The following DCC variants were observed in gnomAD, a reference collection of about 807,000 sequenced individuals.
The protein encoded by DCC is DCC netrin 1 receptor, also known as netrin receptor DCC.
DCC carries 58 observed loss-of-function variants against 172.5 expected under a neutral mutation model. The observed-to-expected ratio is 0.34, with a 90% CI of 0.27 to 0.42. The LOEUF is 0.42. Ranked by LOEUF, DCC falls within the 10% of genes least tolerant of loss-of-function variation. The pLI, the probability that DCC is intolerant of heterozygous loss-of-function variation, is 1.00. For synonymous variants in DCC, 709 were observed against 644.5 expected (o/e 1.10, Z -1.52); for missense variants, 1,740 against 1,791.0 (o/e 0.97, Z 0.51).
At chr18:52,655,803 C>T (rs902428219) in intron 1 of DCC, among the ~76,000 whole-genome samples, 2 of 151,644 alleles carry the variant, frequency 1.3e-5, no homozygotes, top group Admixed American at 1.3e-4. Context: ...ACAAACAAGA[C>T]ACAAATTTCT....
Position 52,946,923 on chromosome 18 carries a change from C to T in DCC, c.985+21553C>T, listed in dbSNP as rs146923509. Among the ~76,000 whole-genome samples, 63 of 152,202 alleles carry T rather than the reference C, an allele frequency of 4.1e-4. No individual in the cohort carries two copies. In the East Asian group the frequency reaches 7.1e-3, roughly 17 times the overall value. Reference sequence around the variant, plus strand: ...CTTAATTTTTGAAAAGCAAAATCAACGCAAACATCCATAATAAACAAAATA... The same window carrying T: ...CTTAATTTTTGAAAAGCAAAATCAATGCAAACATCCATAATAAACAAAATA... On this transcript the variant is annotated intron_variant, in intron 5 of 28. Coordinates refer to ENST00000442544, the MANE Select transcript of DCC (RefSeq NM_005215.4).
At chr18:52,752,492 T>G in intron 2 of DCC, 118 bp downstream of exon 2, 1 of 800,018 alleles carries the variant, frequency 1.2e-6, no homozygotes, top group Non-Finnish European at 2.1e-6. Context: ...CTTTTAAATT[T>G]TAAGTTGACA....
chr18:52,718,114 C>T (rs781578980), intron 1 of DCC, among the ~76,000 whole-genome samples: 4 of 152,106 alleles, frequency 2.6e-5, no homozygotes, highest in Admixed American at 6.6e-5. Flanking sequence ...GAATGTTGGC[C>T]GTACAGCTGG....
intron 15 of DCC, among the ~76,000 whole-genome samples, chr18:53,342,164 C>A (rs1187435264): frequency 6.6e-6 from 1 of 152,012 alleles, no homozygotes; most frequent in Non-Finnish European, 1.5e-5. Context: ...GACTTCTAAA[C>A]AGCATTTTAT....
intron 1 of DCC, among the ~76,000 whole-genome samples, chr18:52,426,225 C>T (rs1467209009): frequency 9.2e-5 from 14 of 151,768 alleles, no homozygotes; most frequent in Admixed American, 9.2e-4. Context: ...ATCTCCACGG[C>T]AATGAGAACA....
chr18:52,927,400 A>G (rs1209399211), intron 5 of DCC, among the ~76,000 whole-genome samples: 1 of 151,740 alleles, frequency 6.6e-6, no homozygotes, highest in Non-Finnish European at 1.5e-5. Context: ...AAAATATTTA[A>G]TAATTATTTC....
At chr18:52,627,030 A>G (rs1294699082) in intron 1 of DCC, among the ~76,000 whole-genome samples, 1 of 152,126 alleles carries the variant, frequency 6.6e-6, no homozygotes, top group Non-Finnish European at 1.5e-5. Context: ...TTCCTCTGAC[A>G]TATCAGGCTG....
chr18:53,425,918 T>C (rs1277766729), intron 21 of DCC, among the ~76,000 whole-genome samples: 2 of 152,248 alleles, frequency 1.3e-5, no homozygotes, highest in African/African-American at 4.8e-5. Flanking sequence ...AATATATGTG[T>C]AATTAGTCAG....
intron 1 of DCC, among the ~76,000 whole-genome samples, chr18:52,547,870 A>G (rs2032660629): frequency 6.6e-6 from 1 of 152,142 alleles, no homozygotes; most frequent in Admixed American, 6.6e-5. Flanking sequence ...CCATCTCTGG[A>G]GTAACTACTC....
At chr18:52,381,073 A>T (rs1376594577) in intron 1 of DCC, among the ~76,000 whole-genome samples, 1 of 152,156 alleles carries the variant, frequency 6.6e-6, no homozygotes, top group East Asian at 1.9e-4. Context: ...TAATTAGACA[A>T]GGAAAAAGGG....
chr18:52,454,119 A>G (rs1988388372), intron 1 of DCC, among the ~76,000 whole-genome samples: 1 of 152,022 alleles, frequency 6.6e-6, no homozygotes, highest in African/African-American at 2.4e-5. Flanking sequence ...AATTCTTAGA[A>G]TATCAATTTT....
chr18:52,547,944 A>G (rs1041093600), intron 1 of DCC, among the ~76,000 whole-genome samples: 3 of 152,142 alleles, frequency 2.0e-5, no homozygotes, highest in African/African-American at 7.2e-5. Flanking sequence ...ATTCATGGCT[A>G]TGTTCCAATA....
At chr18:52,897,436 G>T (rs949328834) in intron 2 of DCC, among the ~76,000 whole-genome samples, 1 of 152,130 alleles carries the variant, frequency 6.6e-6, no homozygotes, top group East Asian at 1.9e-4. Context: ...TTGGATGTCT[G>T]CAATACTCTA....
At chr18:52,675,058 TTGTC>T (rs536892897) in intron 1 of DCC, among the ~76,000 whole-genome samples, 142 of 152,284 alleles carry the variant, frequency 9.3e-4, no homozygotes, top group African/African-American at 3.2e-3. Context: ...CTTTGTTTGT[TTGTC>T]TGTCTGTTTG....
chr18:53,332,051 A>G (rs549157274), intron 14 of DCC, among the ~76,000 whole-genome samples: 2 of 152,264 alleles, frequency 1.3e-5, no homozygotes, highest in South Asian at 4.1e-4. Context: ...AAGCGTGTTG[A>G]TATTGGGAAT....
At chr18:52,817,927 A>G (rs546360146) in intron 2 of DCC, among the ~76,000 whole-genome samples, 11 of 152,320 alleles carry the variant, frequency 7.2e-5, no homozygotes, top group African/African-American at 2.2e-4. Context: ...TTTGCATACT[A>G]TGCTAAGTGG....
chr18:52,610,390 A>C (rs1598955061), intron 1 of DCC, among the ~76,000 whole-genome samples: 7 of 79,454 alleles, frequency 8.8e-5, no homozygotes, highest in South Asian at 2.8e-4. Flanking sequence ...AACAAAAAAA[A>C]AAAAAAAAAA....
At chr18:52,353,588 G>A (rs12966029) in intron 1 of DCC, among the ~76,000 whole-genome samples, 11,644 of 152,306 alleles carry the variant, frequency 0.076, 715 homozygotes, top group East Asian at 0.31. Context: ...AGCCTCTGTG[G>A]CAGGGCAGAA....
chr18:53,205,648 C>A (rs953447579), intron 10 of DCC, among the ~76,000 whole-genome samples: 1 of 152,138 alleles, frequency 6.6e-6, no homozygotes, highest in East Asian at 1.9e-4. Context: ...GTGTGGGCAA[C>A]CAGATTTGTA....
Sources: allele counts gnomAD v4.1 joint callset (sites outside exome capture counted in the v4.1 genomes callset), GRCh38; gene constraint gnomAD v4.1.1; transcripts MANE v1.5; gene names NCBI Gene and HGNC (gene_info 2026-07-23, HGNC 2026-07-21).